The following RPS6KC1 variants were observed in gnomAD, a reference collection of about 807,000 sequenced individuals.
RPS6KC1 encodes inactive ribosomal protein S6 kinase delta-1.
RPS6KC1 carries 54 observed loss-of-function variants against 103.8 expected under a neutral mutation model. The ratio of observed to expected loss-of-function variants is 0.52; its 90% confidence interval spans 0.42 to 0.65. RPS6KC1 has a LOEUF of 0.65. Among genes scored for constraint, RPS6KC1 ranks in the 30% least tolerant of loss-of-function variants. RPS6KC1 has a pLI of 0.00. For synonymous variants in RPS6KC1, 439 were observed against 438.7 expected, an observed-to-expected ratio of 1.00 and a Z score of -0.01; for missense variants, 1,151 against 1,253.8, an observed-to-expected ratio of 0.92 and a Z score of 1.24.
At chr1:213,365,150 C>T in the RPS6KC1 span, among the ~76,000 whole-genome samples, 2 of 152,214 alleles carry the variant, frequency 1.3e-5, no homozygotes, top group African/African-American at 4.8e-5. Flanking sequence ...CAACACTTTA[C>T]CTTTGCAAAT....
chr1:213,185,607 C>A (rs2092486753), intron 8 of RPS6KC1, among the ~76,000 whole-genome samples: 1 of 151,982 alleles, frequency 6.6e-6, no homozygotes, highest in African/African-American at 2.4e-5. Context: ...GGGATTGCGC[C>A]ACTGCACTCC....
At chr1:213,639,216 C>T in the RPS6KC1 span, among the ~76,000 whole-genome samples, 1 of 152,160 alleles carries the variant, frequency 6.6e-6, no homozygotes, top group South Asian at 2.1e-4. Context: ...TTGCTGAACT[C>T]ACTTTTCTCT....
chr1:213,591,821 G>A, the RPS6KC1 span, among the ~76,000 whole-genome samples: 3 of 152,160 alleles, frequency 2.0e-5, no homozygotes, highest in African/African-American at 4.8e-5. Flanking sequence ...GGAACCTGTG[G>A]GGAACTCCAA....
At chr1:213,363,634 CTT>C in the RPS6KC1 span, among the ~76,000 whole-genome samples, 44 of 28,758 alleles carry the variant, frequency 1.5e-3, 6 homozygotes, top group African/African-American at 9.7e-3. Flanking sequence ...TGCTTTCTTT[CTT>C]TCTTTCTTTC....
chr1:213,254,580 A>G (rs1035684822), intron 12 of RPS6KC1, among the ~76,000 whole-genome samples: 1 of 152,222 alleles, frequency 6.6e-6, no homozygotes, highest in African/African-American at 2.4e-5. Flanking sequence ...ATAAAATTAC[A>G]GATTATAAGA....
At chr1:213,186,023 ACAT>A (rs1254907695) in intron 8 of RPS6KC1, among the ~76,000 whole-genome samples, 1 of 151,842 alleles carries the variant, frequency 6.6e-6, no homozygotes, top group Non-Finnish European at 1.5e-5. Flanking sequence ...CTGCAGTTTA[ACAT>A]CATCACCCCC....
At chr1:213,542,002 T>C in the RPS6KC1 span, among the ~76,000 whole-genome samples, 78 of 152,300 alleles carry the variant, frequency 5.1e-4, no homozygotes, top group African/African-American at 1.8e-3. Context: ...CTTTGGGACT[T>C]TGTCTTCTTC....
At chr1:213,658,231 T>A in the RPS6KC1 span, among the ~76,000 whole-genome samples, 1 of 152,202 alleles carries the variant, frequency 6.6e-6, no homozygotes, top group African/African-American at 2.4e-5. Context: ...TTATGTGGGA[T>A]AACTTCTGCA....
chr1:213,434,283 A>G, the RPS6KC1 span, among the ~76,000 whole-genome samples: 3 of 152,220 alleles, frequency 2.0e-5, no homozygotes, highest in South Asian at 6.2e-4. Flanking sequence ...ATTTCTGAAA[A>G]AGTCTTCATT....
chr1:213,860,056 A>G, the RPS6KC1 span, among the ~76,000 whole-genome samples: 7 of 151,898 alleles, frequency 4.6e-5, no homozygotes, highest in South Asian at 2.1e-4. Flanking sequence ...TAGATGTATC[A>G]TTGTATTTTA....
chr1:213,464,074 T>A, the RPS6KC1 span, among the ~76,000 whole-genome samples: 1 of 152,226 alleles, frequency 6.6e-6, no homozygotes. Flanking sequence ...TTTTTTAGTA[T>A]GCTGTTATTA....
chr1:213,309,936 T>A, the RPS6KC1 span, among the ~76,000 whole-genome samples: 3 of 152,240 alleles, frequency 2.0e-5, no homozygotes, highest in African/African-American at 7.2e-5. Context: ...CCACCTGCCT[T>A]AACCTCCCAA....
the RPS6KC1 span, among the ~76,000 whole-genome samples, chr1:213,308,156 AC>A: frequency 6.6e-6 from 1 of 152,034 alleles, no homozygotes; most frequent in East Asian, 1.9e-4. Flanking sequence ...TACTTAAAAT[AC>A]AAAAAAATGA....
the RPS6KC1 span, among the ~76,000 whole-genome samples, chr1:213,556,654 T>G: frequency 6.6e-6 from 1 of 152,224 alleles, no homozygotes; most frequent in Non-Finnish European, 1.5e-5. Context: ...TAGAGGTTTG[T>G]CCTAAGGACT....
At chr1:213,648,059 T>C in the RPS6KC1 span, among the ~76,000 whole-genome samples, 1 of 152,294 alleles carries the variant, frequency 6.6e-6, no homozygotes, top group East Asian at 1.9e-4. Context: ...AAAGATATGA[T>C]GTCATTGAAA....
At chr1:213,503,840 C>T in the RPS6KC1 span, among the ~76,000 whole-genome samples, 1 of 152,162 alleles carries the variant, frequency 6.6e-6, no homozygotes, top group Non-Finnish European at 1.5e-5. Context: ...GGAAAATAAT[C>T]TCAAAGTATC....
At chr1:213,741,231 A>G in the RPS6KC1 span, among the ~76,000 whole-genome samples, 3,101 of 151,986 alleles carry the variant, frequency 0.02, 102 homozygotes, top group African/African-American at 0.07. Flanking sequence ...ATCACTTCAC[A>G]TACTTATTTT....
At chr1:213,509,678 A>G in the RPS6KC1 span, among the ~76,000 whole-genome samples, 1 of 152,220 alleles carries the variant, frequency 6.6e-6, no homozygotes, top group African/African-American at 2.4e-5. Flanking sequence ...AATTGAACCA[A>G]GAAATGCCAA....
intron 8 of RPS6KC1, among the ~76,000 whole-genome samples, chr1:213,218,557 T>C (rs900181638): frequency 1.3e-3 from 200 of 152,166 alleles, no homozygotes; most frequent in African/African-American, 3.9e-3. Context: ...GAGCCCACAT[T>C]GCCAAGTCAA....
Sources: allele counts gnomAD v4.1 joint callset (sites outside exome capture counted in the v4.1 genomes callset), GRCh38; gene constraint gnomAD v4.1.1; transcripts MANE v1.5; gene names NCBI Gene and HGNC (gene_info 2026-07-23, HGNC 2026-07-21).